The following IL18 variants were observed in gnomAD, a reference collection of about 807,000 sequenced individuals.
IL18 encodes the protein interleukin-18.
In IL18, 8 loss-of-function variants were observed where a neutral mutation model predicts 14.2. The ratio of observed to expected loss-of-function variants is 0.56; its 90% CI spans 0.33 to 1.01. The LOEUF (loss-of-function observed/expected upper bound fraction) is 1.01. Among genes scored for constraint, IL18 ranks in the 50% least tolerant of loss-of-function variants. IL18 has a pLI of 0.03. For missense variants in IL18, 166 were observed against 231.1 expected (o/e 0.72, Z 1.83); for synonymous variants, 67 against 71.0 (o/e 0.94, Z 0.28).
At chr11:112,146,868 TTTAAAATTTGAA>T (rs71060225) in intron 5 of IL18, among the ~76,000 whole-genome samples, 124,743 of 144,590 alleles carry the variant, frequency 0.86, 54,118 homozygotes, top group South Asian at 0.9. Flanking sequence ...CCCCGCCCTT[TTTAAAATTTGAA>T]TTAAAATTTG....
chr11:112,144,986 C>T (rs1353781205), intron 5 of IL18, among the ~76,000 whole-genome samples: 1 of 152,232 alleles, frequency 6.6e-6, no homozygotes, highest in African/African-American at 2.4e-5. Context: ...ATGTGGGCAC[C>T]ACCTAAGGTT....
rs764934507 is a variant in IL18 at position 112,143,823 on chromosome 11, G to T, written c.361-6C>A. 6.5e-7 allele frequency: 1 copy of T among 1,538,114 alleles called. No homozygotes were observed. The highest frequency in any genetic ancestry group is 8.9e-7 in the Non-Finnish European group (1 of 1,123,918). Reference sequence around the variant, plus strand: ...TTATCAGGAGGATTCATTTCCTATAGAGAAAAAAACATTACCTAATTATTT... The same window carrying T: ...TTATCAGGAGGATTCATTTCCTATATAGAAAAAAACATTACCTAATTATTT... On this transcript the variant is annotated splice_region_variant and splice_polypyrimidine_tract_variant and intron_variant, in intron 5 of 5. Coordinates refer to ENST00000280357, the MANE Select transcript of IL18 (RefSeq NM_001562.4).
In IL18 at chr11:112,150,192, C is replaced by T; in HGVS notation, c.106G>A (p.Asp36Asn). ...TTAGATTCAAGCTTGCCAAAGTAAT[C>T]TGATTCCAGGTTTTCTACAATAAAC... ...IAEDDENLES[D>N]YFGKLESKLS... is the part of the protein sequence containing the mutation. Residue 36 changes from aspartate to asparagine, a missense_variant, in exon 4 of 6, where the codon GAT becomes AAT. Coordinates refer to ENST00000280357, the MANE Select transcript of IL18 (RefSeq NM_001562.4). 3 of 1,569,736 alleles carry T rather than the reference C, an allele frequency of 1.9e-6. No homozygotes were observed. Among genetic ancestry groups the T allele is most frequent in the South Asian group, 1.1e-5 (1 of 88,598 alleles).
intron 3 of IL18, chr11:112,150,915 T>G (rs1048819822): frequency 1.2e-4 from 18 of 152,266 alleles, no homozygotes; most frequent in African/African-American, 4.3e-4. Context: ...AGTTATTGCC[T>G]CTCTCCCTTT....
At chr11:112,163,068 C>T (rs532726679) in intron 1 of IL18, among the ~76,000 whole-genome samples, 60 of 152,224 alleles carry the variant, frequency 3.9e-4, no homozygotes, top group African/African-American at 1.3e-3. Context: ...TTTAATAGAA[C>T]GTAAAGTAGC....
intron 1 of IL18, among the ~76,000 whole-genome samples, chr11:112,159,096 T>TA (rs1425372522): frequency 2.0e-5 from 3 of 152,186 alleles, no homozygotes; most frequent in African/African-American, 7.2e-5. Flanking sequence ...CTCATGCCTG[T>TA]AATCCCAGCA....
At chr11:112,151,149 A>G (rs1866432781) in intron 3 of IL18, 2 of 152,240 alleles carry the variant, frequency 1.3e-5, no homozygotes, top group Admixed American at 1.3e-4. Context: ...TAACAACAAC[A>G]AACTGGAAAC....
chr11:112,155,862 C>A (rs1466283614), intron 1 of IL18, among the ~76,000 whole-genome samples: 1 of 152,088 alleles, frequency 6.6e-6, no homozygotes, highest in Non-Finnish European at 1.5e-5. Flanking sequence ...TGTATTTTCA[C>A]CAACCTCTGA....
chr11:112,149,686 A>G (rs1866405871), intron 4 of IL18, among the ~76,000 whole-genome samples: 1 of 150,906 alleles, frequency 6.6e-6, no homozygotes, highest in South Asian at 2.1e-4. Context: ...GCCTCAAGCA[A>G]TCCTCCTGCT....
At chr11:112,144,322 T>G (rs903707046) in intron 5 of IL18, among the ~76,000 whole-genome samples, 1 of 152,212 alleles carries the variant, frequency 6.6e-6, no homozygotes, top group East Asian at 1.9e-4. Context: ...AGCCTTGAAT[T>G]CCTGGGCTCA....
In IL18 at chr11:112,145,938, G is replaced by T. The variant is rs7938943; in HGVS notation, c.361-2121C>A. 9.7e-3 allele frequency among the ~76,000 whole-genome samples: 1,473 copies of T among 152,046 alleles called. 23 individuals are homozygous for T. The highest frequency in any genetic ancestry group is 0.032 in the African/African-American group (1,328 of 41,476). On this transcript the variant is annotated intron_variant, in intron 5 of 5. Transcript: ENST00000280357. Reference sequence around the variant, plus strand: ...TCATAGGGAAGGTACATAGCAAATGGATGTGAAAGCAATCCCAATGACCTT... The same window carrying T: ...TCATAGGGAAGGTACATAGCAAATGTATGTGAAAGCAATCCCAATGACCTT...
intron 5 of IL18, among the ~76,000 whole-genome samples, chr11:112,145,164 G>T (rs1015646264): frequency 2.0e-5 from 3 of 152,212 alleles, no homozygotes; most frequent in South Asian, 4.1e-4. Flanking sequence ...AGGTCACGGG[G>T]TTACCTCCAA....
chr11:112,156,096 C>G (rs1167867263), intron 1 of IL18, among the ~76,000 whole-genome samples: 1 of 152,100 alleles, frequency 6.6e-6, no homozygotes, highest in Non-Finnish European at 1.5e-5. Context: ...CACATATATA[C>G]TGCATTAAAA....
chr11:112,161,564 C>G (rs943460525), intron 1 of IL18, among the ~76,000 whole-genome samples: 1 of 152,144 alleles, frequency 6.6e-6, no homozygotes, highest in Non-Finnish European at 1.5e-5. Flanking sequence ...TTTGGGAGGC[C>G]GAGGCGGCTG....
At position 112,158,315 on chromosome 11, in the gene IL18, T is replaced by C. The variant is rs148550548; in HGVS notation, c.-8-3254A>G. ...AGTTAACTTTTCTTTGGAAAAAACG[T>C]AAAAGTTTGAGAGGAGATATTCTTG... On this transcript the variant is annotated intron_variant, in intron 1 of 5. Transcript: ENST00000280357. 8.7e-4 allele frequency among the ~76,000 whole-genome samples: 133 copies of C among 152,316 alleles called. No homozygotes were observed. The East Asian group carries it at 0.021, about 24-fold the overall frequency.
At chr11:112,161,264 A>T (rs2135325871) in intron 1 of IL18, among the ~76,000 whole-genome samples, 1 of 152,310 alleles carries the variant, frequency 6.6e-6, no homozygotes, top group East Asian at 1.9e-4. Context: ...TGTCTGGGGC[A>T]AGTCACTTAA....
At chr11:112,153,715 T>C in intron 2 of IL18, 112 bp from the exon 3 acceptor site, 2 of 683,970 alleles carry the variant, frequency 2.9e-6, no homozygotes, top group Non-Finnish European at 5.0e-6. Flanking sequence ...GAACTCCTAT[T>C]TTTATGGTTT....
At position 112,143,561 on chromosome 11, in the gene IL18, C is replaced by T. The variant is rs753478354; in HGVS notation, c.*35G>A. ...CCTCCCAAAGGGCTGGGATTACAGG[C>T]GTGAGCCACTGCGCCCGGCATGAAA... On this transcript the variant is annotated 3_prime_UTR_variant, in exon 6 of 6. Coordinates refer to ENST00000280357, the MANE Select transcript of IL18 (RefSeq NM_001562.4). 1.6e-5 allele frequency: 23 copies of T among 1,425,032 alleles called. No homozygotes were observed. The highest frequency in any genetic ancestry group is 2.3e-5 in the East Asian group (1 of 43,162). The allele number at this position is 1,425,032 out of a possible 1,614,324, so 88.3% of individuals were successfully genotyped here.
chr11:112,144,989 C>CATGT (rs1294256653), intron 5 of IL18, among the ~76,000 whole-genome samples: 1 of 152,234 alleles, frequency 6.6e-6, no homozygotes, highest in African/African-American at 2.4e-5. Flanking sequence ...TGGGCACCAC[C>CATGT]TAAGGTTCTT....
Sources: gnomAD v4.1 joint callset for allele counts (sites outside exome capture counted in the v4.1 genomes callset) on GRCh38, gnomAD v4.1.1 for gene constraint, MANE v1.5 for transcripts, NCBI Gene and HGNC (gene_info 2026-07-23, HGNC 2026-07-21) for gene names.